Variants in VAPB observed in about 807,000 individuals in gnomAD.
VAPB encodes the protein vesicle-associated membrane protein-associated protein B/C.
In VAPB, 7 loss-of-function variants were observed where a neutral mutation model predicts 25.6. That is an observed-to-expected ratio of 0.27 (90% confidence interval 0.16 to 0.51). VAPB has a LOEUF of 0.51. Ranked by LOEUF, VAPB falls within the 20% of genes least tolerant of loss-of-function variation. The probability of loss-of-function intolerance (pLI) is 0.97; values close to 1 mark genes in which losing one functional copy is unlikely to be tolerated. For missense variants in VAPB, 266 were observed against 301.3 expected (o/e 0.88, Z 0.87); for synonymous variants, 112 against 109.2 (o/e 1.03, Z -0.16).
At chr20:58,418,850 AAG>A (rs1416397741) in intron 2 of VAPB, among the ~76,000 whole-genome samples, 2 of 152,200 alleles carry the variant, frequency 1.3e-5, no homozygotes, top group East Asian at 3.9e-4. Context: ...GTGAAACGCC[AAG>A]AGAGATGAGG....
intron 1 of VAPB, among the ~76,000 whole-genome samples, chr20:58,395,391 C>T (rs1344829590): frequency 2.0e-5 from 3 of 152,004 alleles, no homozygotes; most frequent in Non-Finnish European, 4.4e-5. Flanking sequence ...CCTCGTGATC[C>T]GCCCACCTCG....
At chr20:58,393,588 G>A (rs532935271) in intron 1 of VAPB, among the ~76,000 whole-genome samples, 1 of 152,164 alleles carries the variant, frequency 6.6e-6, no homozygotes, top group African/African-American at 2.4e-5. Flanking sequence ...GTGGTAAATA[G>A]TATGTCATAT....
chr20:58,448,930 T>C lies in VAPB; in HGVS notation c.*4695T>C, dbSNP rs867699417. The C allele has an allele frequency of 2.2e-6, 1 of 453,954 alleles. No individual in the cohort carries two copies. The highest frequency in any genetic ancestry group is 2.0e-5 in the African/African-American group (1 of 49,980). 28.1% of individuals were successfully genotyped at this position (453,954 alleles called of 1,614,324 possible). On this transcript the variant is annotated 3_prime_UTR_variant, in exon 6 of 6. Transcript: ENST00000475243. The stretch of plus-strand genomic sequence containing the variant: ...GCTTTATATGGAGGCTTTACATGAC[T>C]TGTAAATTAAATGTGAATGAGGGCA...
rs138225455 is a variant in VAPB, at chr20:58,445,684, CTGTGTG to C, written c.*1481_*1486del. 307 of 432,654 alleles carry C rather than the reference CTGTGTG, an allele frequency of 7.1e-4. No individual in the cohort carries two copies. The highest frequency in any genetic ancestry group is 3.1e-3 in the African/African-American group (148 of 47,896). 26.8% of individuals were successfully genotyped at this position (432,654 alleles called of 1,614,324 possible). On this transcript the variant is annotated 3_prime_UTR_variant, in exon 6 of 6. Coordinates refer to ENST00000475243, the MANE Select transcript of VAPB (RefSeq NM_004738.5). ...GAAATACGTGTTTCATGATTTAACT[CTGTGTG>C]TGTGTGTGTGTGTGTGTGTGTGTGT...
At chr20:58,427,088 C>T (rs1040478151) in intron 2 of VAPB, among the ~76,000 whole-genome samples, 20 of 150,176 alleles carry the variant, frequency 1.3e-4, no homozygotes, top group Non-Finnish European at 2.5e-4. Flanking sequence ...GATCTGTTAC[C>T]GTTATGATGC....
intron 5 of VAPB, among the ~76,000 whole-genome samples, chr20:58,442,458 GT>G (rs376543659): frequency 1.3e-5 from 2 of 151,602 alleles, no homozygotes; most frequent in African/African-American, 2.4e-5. Context: ...AGTTTGCCGG[GT>G]TTTTTTTTAA....
chr20:58,433,156 G>C (rs1448139425), intron 2 of VAPB, among the ~76,000 whole-genome samples: 7 of 152,284 alleles, frequency 4.6e-5, no homozygotes, highest in Admixed American at 2.6e-4. Flanking sequence ...TAGCTTTGTC[G>C]TGGGGCCTGG....
At chr20:58,414,131 C>G (rs1273882749) in intron 1 of VAPB, among the ~76,000 whole-genome samples, 3 of 114,892 alleles carry the variant, frequency 2.6e-5, no homozygotes, top group East Asian at 2.7e-4. Flanking sequence ...GGGAGGCTGA[C>G]GCCCCGACCT....
rs1180301404 is a variant in VAPB, at chr20:58,448,950, AG to A, written c.*4718del. 5 of 453,988 alleles carry A rather than the reference AG, an allele frequency of 1.1e-5. No homozygotes were observed. The highest frequency in any genetic ancestry group is 2.2e-5 in the Non-Finnish European group (5 of 226,806). 28.1% of individuals were successfully genotyped at this position (453,988 alleles called of 1,614,324 possible). On this transcript the variant is annotated 3_prime_UTR_variant, in exon 6 of 6. Transcript: ENST00000475243. ...ATGACTTGTAAATTAAATGTGAATG[AG>A]GGCAGTTGATTAAAATTGGTATTAC...
At chr20:58,435,937 G>C (rs1469879414) in intron 3 of VAPB, among the ~76,000 whole-genome samples, 1 of 152,160 alleles carries the variant, frequency 6.6e-6, no homozygotes, top group Non-Finnish European at 1.5e-5. Context: ...CATGGGCTTG[G>C]GTGTTTTCGA....
chr20:58,411,545 T>A (rs904887043), intron 1 of VAPB, among the ~76,000 whole-genome samples: 4 of 152,242 alleles, frequency 2.6e-5, no homozygotes, highest in Admixed American at 2.6e-4. Flanking sequence ...GCCTCCTGAT[T>A]ACAGGCGTGA....
At position 58,449,373 on chromosome 20, in the gene VAPB, T is replaced by C. The variant is rs1989379127; in HGVS notation, c.*5138T>C. The C allele has an allele frequency of 4.4e-6, 2 of 453,734 alleles. No homozygotes were observed. The highest frequency in any genetic ancestry group is 6.9e-5 in the East Asian group (1 of 14,398). The allele number at this position is 453,734 out of a possible 1,614,324, so 28.1% of individuals were successfully genotyped here. On this transcript the variant is annotated 3_prime_UTR_variant, in exon 6 of 6. Coordinates refer to ENST00000475243, the MANE Select transcript of VAPB (RefSeq NM_004738.5). ...AGACATGAACTCACATAAACAGTTA[T>C]GGATGATAGTTAAAAGAGAAACGGG...
intron 1 of VAPB, among the ~76,000 whole-genome samples, chr20:58,414,762 C>T (rs1466378083): frequency 6.6e-6 from 1 of 152,004 alleles, no homozygotes; most frequent in Non-Finnish European, 1.5e-5. Flanking sequence ...GGCAGAGGGG[C>T]TCCCCACATC....
At chr20:58,423,446 A>AAAAAAAAAAAAAAAAAC (rs1568711839) in intron 2 of VAPB, among the ~76,000 whole-genome samples, 1 of 145,322 alleles carries the variant, frequency 6.9e-6, no homozygotes, top group Non-Finnish European at 1.5e-5. Flanking sequence ...AAAAAAAAAA[A>AAAAAAAAAAAAAAAAAC]AAAGAAAAGA....
chr20:58,444,440 T>G lies in VAPB; in HGVS notation c.*205T>G, dbSNP rs1364749140. ...GATCTTTTAGAAAGTTAAAAATGTA[T>G]AGTAACTGATTGAGGGGGAAAAGAA... is the stretch of plus-strand genomic sequence containing the variant. On this transcript the variant is annotated 3_prime_UTR_variant, in exon 6 of 6. Transcript: ENST00000475243. 2 of 735,670 alleles carry G rather than the reference T, an allele frequency of 2.7e-6. No homozygotes were observed. Among genetic ancestry groups the G allele is most frequent in the Non-Finnish European group, 4.7e-6 (2 of 421,166 alleles). The allele number at this position is 735,670 out of a possible 1,614,324, so 45.6% of individuals were successfully genotyped here. A position where few individuals can be genotyped will look rare whatever the true frequency, so the allele number is the denominator to read the frequency against.
rs761440191 is a variant in VAPB, at chr20:58,444,347, G to C, written c.*112G>C. ...ATTAATGTATGATGACATCTCACAG[G>C]TCTTGCCTTTAAATTACCCCTCCCT... On this transcript the variant is annotated 3_prime_UTR_variant, in exon 6 of 6. Coordinates refer to ENST00000475243, the MANE Select transcript of VAPB (RefSeq NM_004738.5). 3.9e-6 allele frequency: 6 copies of C among 1,528,300 alleles called. No homozygotes were observed. Among genetic ancestry groups the C allele is most frequent in the Non-Finnish European group, 1.8e-6 (2 of 1,106,040 alleles). The allele number at this position is 1,528,300 out of a possible 1,614,324, so 94.7% of individuals were successfully genotyped here. A position where few individuals can be genotyped will look rare whatever the true frequency, so the allele number is the denominator to read the frequency against.
chr20:58,403,772 C>T (rs1027106831), intron 1 of VAPB, among the ~76,000 whole-genome samples: 1 of 152,228 alleles, frequency 6.6e-6, no homozygotes, highest in African/African-American at 2.4e-5. Context: ...TGCTGGACAT[C>T]CCTGTCTATC....
chr20:58,434,026 T>A (rs576658393), intron 2 of VAPB, among the ~76,000 whole-genome samples: 56 of 152,084 alleles, frequency 3.7e-4, no homozygotes, highest in African/African-American at 1.3e-3. Context: ...TCTAGGTTCT[T>A]AGGGAAAAAA....
chr20:58,397,510 ACT>A (rs915562433), intron 1 of VAPB, among the ~76,000 whole-genome samples: 31 of 146,186 alleles, frequency 2.1e-4, no homozygotes, highest in African/African-American at 7.9e-4. Flanking sequence ...CAAGAGCAAA[ACT>A]CTGTCTCAAA....
Sources: gnomAD v4.1 joint callset for allele counts (sites outside exome capture counted in the v4.1 genomes callset) on GRCh38, gnomAD v4.1.1 for gene constraint, MANE v1.5 for transcripts, NCBI Gene and HGNC (gene_info 2026-07-23, HGNC 2026-07-21) for gene names.